The following GRB10 variants were observed in gnomAD, a reference collection of about 807,000 sequenced individuals.
GRB10 encodes growth factor receptor-bound protein 10.
In GRB10, 20 loss-of-function variants were observed where a neutral mutation model predicts 80.9. The observed-to-expected ratio is 0.25, with a 90% CI of 0.17 to 0.36. The LOEUF is 0.36. Ranked by LOEUF, GRB10 falls within the 10% of genes least tolerant of loss-of-function variation. GRB10 has a pLI of 1.00. For missense variants in GRB10, 548 were observed against 747.7 expected (o/e 0.73, Z 3.12); for synonymous variants, 291 against 291.5 (o/e 1.00, Z 0.02).
At chr7:50,641,020 G>C (rs890113512) in intron 7 of GRB10, among the ~76,000 whole-genome samples, 4 of 152,082 alleles carry the variant, frequency 2.6e-5, no homozygotes, top group African/African-American at 9.7e-5. Context: ...TCCAGGGCTA[G>C]TCACGCAGGC....
At chr7:50,744,386 T>C (rs377609826) in intron 3 of GRB10, among the ~76,000 whole-genome samples, 1 of 152,102 alleles carries the variant, frequency 6.6e-6, no homozygotes, top group African/African-American at 2.4e-5. Flanking sequence ...GAATAAACAT[T>C]ACACAGCTGA....
At chr7:50,787,013 C>T (rs1355113707), upstream of GRB10, among the ~76,000 whole-genome samples, 1 of 152,200 alleles carries the variant, frequency 6.6e-6, no homozygotes, top group Admixed American at 6.5e-5. Flanking sequence ...ATTTTAAAAA[C>T]TAGGCAAAAA....
At chr7:50,783,585 G>A (rs540827804), upstream of GRB10, among the ~76,000 whole-genome samples, 2 of 150,950 alleles carry the variant, frequency 1.3e-5, no homozygotes, top group East Asian at 3.9e-4. Context: ...ACATACACAC[G>A]AGCCTGCAAT....
chr7:50,756,422 G>GA (rs2075097002), intron 2 of GRB10, among the ~76,000 whole-genome samples: 1 of 152,226 alleles, frequency 6.6e-6, no homozygotes. Context: ...CCAGGTCAGG[G>GA]TCCTCCCAGG....
intron 5 of GRB10, among the ~76,000 whole-genome samples, chr7:50,681,327 C>T (rs2061521081): frequency 6.6e-6 from 1 of 152,232 alleles, no homozygotes; most frequent in South Asian, 2.1e-4. Flanking sequence ...GCAGACAGCC[C>T]TGAGCTGCAT....
chr7:50,634,618 C>A (rs1398215678), intron 7 of GRB10, among the ~76,000 whole-genome samples: 2 of 152,126 alleles, frequency 1.3e-5, no homozygotes, highest in Non-Finnish European at 2.9e-5. Flanking sequence ...AAAAACAAGA[C>A]CCAGCCATCT....
chr7:50,783,980 A>G (rs374721169), upstream of GRB10, among the ~76,000 whole-genome samples: 3 of 152,196 alleles, frequency 2.0e-5, no homozygotes, highest in African/African-American at 7.2e-5. Flanking sequence ...CAAAATTCCA[A>G]TATGTTTAAG....
chr7:50,771,366 A>G (rs1435776639), intron 2 of GRB10, among the ~76,000 whole-genome samples: 1 of 152,022 alleles, frequency 6.6e-6, no homozygotes, highest in African/African-American at 2.4e-5. Context: ...GTTCTCCCCA[A>G]AGGTTTGTCC....
chr7:50,675,871 G>A (rs1024705777), intron 5 of GRB10, among the ~76,000 whole-genome samples: 6 of 152,178 alleles, frequency 3.9e-5, no homozygotes, highest in Admixed American at 2.0e-4. Context: ...TGCAGCTTCC[G>A]GTGCTTCCTA....
chr7:50,676,513 A>AG, intron 5 of GRB10, among the ~76,000 whole-genome samples: 1 of 152,338 alleles, frequency 6.6e-6, no homozygotes, highest in South Asian at 2.1e-4. Context: ...GCCTGGAAGA[A>AG]TTAAATCACC....
At chr7:50,618,733 G>A (rs1394785183) in intron 9 of GRB10, among the ~76,000 whole-genome samples, 3 of 152,204 alleles carry the variant, frequency 2.0e-5, no homozygotes, top group Non-Finnish European at 4.4e-5. Flanking sequence ...AGAGATCAAG[G>A]TGACCAGCTC....
chr7:50,757,724 G>A (rs1241888852), intron 2 of GRB10, among the ~76,000 whole-genome samples: 5 of 152,210 alleles, frequency 3.3e-5, no homozygotes, highest in Non-Finnish European at 7.3e-5. Flanking sequence ...CTGTGACATG[G>A]CAATGGGAAC....
chr7:50,618,493 C>T (rs2051053978), intron 9 of GRB10, among the ~76,000 whole-genome samples: 1 of 152,206 alleles, frequency 6.6e-6, no homozygotes, highest in Non-Finnish European at 1.5e-5. Context: ...TAAGCCCAGT[C>T]ACGAGAAAAG....
At chr7:50,623,089 C>T (rs554712790) in intron 8 of GRB10, among the ~76,000 whole-genome samples, 2 of 152,196 alleles carry the variant, frequency 1.3e-5, no homozygotes, top group African/African-American at 4.8e-5. Flanking sequence ...TCACCATGCT[C>T]GGGGCAGAAG....
intron 4 of GRB10, among the ~76,000 whole-genome samples, chr7:50,718,883 A>G (rs1165377415): frequency 2.6e-5 from 4 of 152,112 alleles, no homozygotes; most frequent in Non-Finnish European, 4.4e-5. Flanking sequence ...CCCAAGGGTG[A>G]CACAGTCATG....
intron 4 of GRB10, chr7:50,705,248 C>T: frequency 4.1e-6 from 4 of 985,728 alleles, no homozygotes. Context: ...GGTCAGCTCA[C>T]CCACATCTAC....
intron 6 of GRB10, among the ~76,000 whole-genome samples, chr7:50,672,510 T>C (rs993608831): frequency 2.6e-5 from 4 of 152,076 alleles, no homozygotes; most frequent in Non-Finnish European, 4.4e-5. Flanking sequence ...CAAAACTACT[T>C]ATCTGAGAGG....
chr7:50,625,385 T>G (rs2052686704), intron 8 of GRB10, among the ~76,000 whole-genome samples: 1 of 151,558 alleles, frequency 6.6e-6, no homozygotes, highest in Non-Finnish European at 1.5e-5. Context: ...TTTTTAAAAT[T>G]TTATATATAT....
intron 3 of GRB10, among the ~76,000 whole-genome samples, chr7:50,749,134 GT>G (rs11405172): frequency 1.2e-4 from 16 of 137,934 alleles, no homozygotes; most frequent in South Asian, 1.1e-3. Context: ...TTTTTTGTTT[GT>G]TTTTTTTTTT....
Sources: gnomAD v4.1 joint callset for allele counts (sites outside exome capture counted in the v4.1 genomes callset) on GRCh38, gnomAD v4.1.1 for gene constraint, MANE v1.5 for transcripts, NCBI Gene and HGNC (gene_info 2026-07-23, HGNC 2026-07-21) for gene names.